The following SLC46A1 variants were observed in gnomAD, a reference collection of about 807,000 sequenced individuals.
The protein encoded by SLC46A1 is proton-coupled folate transporter.
SLC46A1 carries 17 observed loss-of-function variants against 32.1 expected under a neutral mutation model. The ratio of observed to expected loss-of-function variants is 0.53; its 90% CI spans 0.36 to 0.79. SLC46A1 has a LOEUF of 0.79. Ranked by LOEUF, SLC46A1 falls within the 30% of genes least tolerant of loss-of-function variation. The probability of loss-of-function intolerance (pLI) is 0.00; values close to 1 mark genes in which losing one functional copy is unlikely to be tolerated. For synonymous variants in SLC46A1, 240 were observed against 262.7 expected (o/e 0.91, Z 0.84); for missense variants, 517 against 588.2 (o/e 0.88, Z 1.25).
chr17:28,399,621 G>C lies in SLC46A1; in HGVS notation c.*35C>G. 6.2e-7 allele frequency: 1 copy of C among 1,611,316 alleles called. No individual in the cohort carries two copies. The highest frequency in any genetic ancestry group is 1.3e-5 in the African/African-American group (1 of 74,998). On this transcript the variant is annotated 3_prime_UTR_variant, in exon 5 of 5. Coordinates refer to ENST00000612814, the MANE Select transcript of SLC46A1 (RefSeq NM_080669.6). Reference sequence around the variant, plus strand: ...CCTCCAGTTGCTTGGTGTTCACTTTGCTCCTCTTGCCCTCTGTCTTCTGGT... The same window carrying C: ...CCTCCAGTTGCTTGGTGTTCACTTTCCTCCTCTTGCCCTCTGTCTTCTGGT...
In SLC46A1 at chr17:28,399,754, A is replaced by T. The variant is rs1555589126; in HGVS notation, c.1323-41T>A. 1.9e-6 allele frequency: 3 copies of T among 1,608,562 alleles called. No individual in the cohort carries two copies. The Admixed American group carries it at 5.0e-5, about 27-fold the overall frequency. On this transcript the variant is annotated intron_variant, in intron 4 of 4. Coordinates refer to ENST00000612814, the MANE Select transcript of SLC46A1 (RefSeq NM_080669.6). ...GAGAGAGTTTGGATTTCATGTGGGG[A>T]ACCCTCAAGGCCTGTCTGGAGAAGT...
rs2068099448 is a variant in SLC46A1, at chr17:28,394,658, A to AGTT, written c.*4995_*4997dup. 1 of 152,246 alleles carries AGTT rather than the reference A, an allele frequency of 6.6e-6. No individual in the cohort carries two copies. The highest frequency in any genetic ancestry group is 1.5e-5 in the Non-Finnish European group (1 of 68,046). 9.4% of individuals were successfully genotyped at this position (152,246 alleles called of 1,614,324 possible). A position where few individuals can be genotyped will look rare whatever the true frequency, so the allele number is the denominator to read the frequency against. On this transcript the variant is annotated 3_prime_UTR_variant, in exon 5 of 5. Coordinates refer to ENST00000612814, the MANE Select transcript of SLC46A1 (RefSeq NM_080669.6). Reference sequence around the variant, plus strand: ...TCAGGAAAGCACTTTACTTACTATTAGTTGTTTATTATGTCAACCTTAAAT... The same window carrying AGTT: ...TCAGGAAAGCACTTTACTTACTATTAGTTGTTGTTTATTATGTCAACCTTAAAT...
At chr17:28,404,470 G>C (rs539283583) in intron 2 of SLC46A1, 146 bp downstream of exon 2, 1 of 1,037,276 alleles carries the variant, frequency 9.6e-7, no homozygotes, top group South Asian at 1.4e-5. Context: ...GGATTTCTTA[G>C]TTGTCTGTTC....
intron 3 of SLC46A1, 62 bp from the exon 4 acceptor site, chr17:28,400,828 A>T (rs1443090897): frequency 1.4e-6 from 2 of 1,451,300 alleles, no homozygotes; most frequent in East Asian, 2.5e-5. Context: ...CTCTGGCACC[A>T]CCACCTCACA....
chr17:28,399,916 C>T, intron 4 of SLC46A1: 2 of 568,652 alleles, frequency 3.5e-6, no homozygotes, highest in South Asian at 2.0e-5. Flanking sequence ...TTTTAAGAGA[C>T]AGGGTCTTGC....
In SLC46A1 at chr17:28,405,486, C is replaced by T. The variant is rs558252762; in HGVS notation, c.229-18G>A. 5.0e-6 allele frequency: 8 copies of T among 1,593,860 alleles called. No homozygotes were observed. Among genetic ancestry groups the T allele is most frequent in the Non-Finnish European group, 6.8e-6 (8 of 1,172,056 alleles). ...TCCACTTCCTGTAGGGGCACAATGACCAGGGTGCGGTTCCTCACTCTGGGT... is the reference window on the plus strand; with the variant it reads ...TCCACTTCCTGTAGGGGCACAATGATCAGGGTGCGGTTCCTCACTCTGGGT... On this transcript the variant is annotated intron_variant, in intron 1 of 4. Transcript: ENST00000612814.
rs2068235294 is a variant in SLC46A1 at position 28,404,712 on chromosome 17, G to A, written c.985C>T (p.Leu329=). The A allele has an allele frequency of 6.2e-7, 1 of 1,613,898 alleles. No homozygotes were observed. The highest frequency in any genetic ancestry group is 1.7e-5 in the Admixed American group (1 of 60,008). Residue 329 remains leucine (L), a synonymous_variant, in exon 2 of 5, where the codon CTG becomes TTG. Coordinates refer to ENST00000612814, the MANE Select transcript of SLC46A1 (RefSeq NM_080669.6). The part of the protein sequence containing the change: ...LLALKLLQYC[L]ADAWVAEIGL... ...ATCTCAGCTACCCAGGCATCGGCCA[G>A]GCAGTACTGCAGGAGCTTCAGGGCC... is the stretch of plus-strand genomic sequence containing the variant.
At position 28,404,816 on chromosome 17, in the gene SLC46A1, CT is replaced by C; in HGVS notation, c.880del (p.Ser294AlafsTer10). The C allele has an allele frequency of 6.2e-7, 1 of 1,613,956 alleles. No individual in the cohort carries two copies. The highest frequency in any genetic ancestry group is 8.5e-7 in the Non-Finnish European group (1 of 1,179,886). On this transcript the variant is annotated frameshift_variant, in exon 2 of 5. Transcript: ENST00000612814. LOFTEE classifies it high-confidence loss of function. ...TTTGGAGTCCCAGCAGAGGGGTGTG[CT>C]TAGTTCATAAAGGGTTAAGATGTCC... ...AQDILTLYEL[S>X]TPLCWDSKLI... is the part of the protein sequence containing the mutation.
chr17:28,395,884 T>C lies in SLC46A1; in HGVS notation c.*3772A>G, dbSNP rs782700529. On this transcript the variant is annotated 3_prime_UTR_variant, in exon 5 of 5. Coordinates refer to ENST00000612814, the MANE Select transcript of SLC46A1 (RefSeq NM_080669.6). ...CTAGATGGGTACAGGGGTATCTTCC[T>C]CCTTTCCTTTCTTTCTCCAGGAGAT... The C allele has an allele frequency of 5.9e-5, 95 of 1,612,808 alleles. No individual in the cohort carries two copies. The highest frequency in any genetic ancestry group is 7.9e-5 in the Non-Finnish European group (93 of 1,179,858).
chr17:28,402,397 T>G, intron 2 of SLC46A1, 76 bp from the exon 3 acceptor site: 2 of 1,281,798 alleles, frequency 1.6e-6, no homozygotes, highest in Non-Finnish European at 2.2e-6. Context: ...GCAGAGCTCC[T>G]ATCCATACCC....
At position 28,405,331 on chromosome 17, in the gene SLC46A1, C is replaced by T. The variant is rs372432334; in HGVS notation, c.366G>A (p.Leu122=). The T allele has an allele frequency of 5.7e-6, 9 of 1,590,112 alleles. No homozygotes were observed. The highest frequency in any genetic ancestry group is 1.3e-5 in the African/African-American group (1 of 74,494). Residue 122 remains leucine (L), a synonymous_variant, in exon 2 of 5, where the codon CTG becomes CTA. Transcript: ENST00000612814. ...GRRPLLVLAS[L]GLLLQALVSV... ...ACACTAGGGCCTGGAGCAGCAGGCC[C>T]AGCGAGGCCAGCACTAGCAGCGGGC...
In SLC46A1 at chr17:28,395,907, G is replaced by T; in HGVS notation, c.*3749C>A. 1.2e-6 allele frequency: 2 copies of T among 1,613,812 alleles called. No homozygotes were observed. Among genetic ancestry groups the T allele is most frequent in the Non-Finnish European group, 8.5e-7 (1 of 1,179,878 alleles). On this transcript the variant is annotated 3_prime_UTR_variant, in exon 5 of 5. Transcript: ENST00000612814. Reference sequence around the variant, plus strand: ...CCTCCTTTCCTTTCTTTCTCCAGGAGATTGTGACTGCTTTAAGCTGCGGCA... The same window carrying T: ...CCTCCTTTCCTTTCTTTCTCCAGGATATTGTGACTGCTTTAAGCTGCGGCA...
At chr17:28,404,347 CT>C in intron 2 of SLC46A1, 1 of 509,084 alleles carries the variant, frequency 2.0e-6, no homozygotes, top group Non-Finnish European at 3.6e-6. Flanking sequence ...ATGAGCCACA[CT>C]TTTGTCTTTT....
rs1555590591 is a variant in SLC46A1 at position 28,404,937 on chromosome 17, G to T, written c.760C>A (p.Leu254Ile). The T allele has an allele frequency of 6.2e-7, 1 of 1,613,960 alleles. No homozygotes were observed. The highest frequency in any genetic ancestry group is 8.5e-7 in the Non-Finnish European group (1 of 1,179,910). ...TTCTCTGGGGCGGGAGCCACATAGA[G>T]CTGGACAATGGATCGGTGGTGACGG... ...TFRHHRSIVQ[L>I]YVAPAPEKSR... Residue 254 changes from leucine to isoleucine, a missense_variant, in exon 2 of 5, where the codon CTC (leucine) becomes ATC (isoleucine). Physicochemically the swap from Leu to Ile is conservative, Grantham distance 5. Transcript: ENST00000612814.
Position 28,396,408 on chromosome 17 carries a change from T to A in SLC46A1, c.*3248A>T, listed in dbSNP as rs773480947. ...CTGGGCTCTTCTTAGGAAATGGCTC[T>A]CCCTCCCCCTGTCCCCCACCCTCAT... On this transcript the variant is annotated 3_prime_UTR_variant, in exon 5 of 5. Transcript: ENST00000612814. The A allele has an allele frequency of 1.7e-6, 2 of 1,146,538 alleles. No homozygotes were observed. The highest frequency in any genetic ancestry group is 2.5e-6 in the Non-Finnish European group (2 of 795,702). 71.0% of individuals were successfully genotyped at this position (1,146,538 alleles called of 1,614,324 possible).
Position 28,404,819 on chromosome 17 carries a change from A to T in SLC46A1, c.878T>A (p.Leu293Gln). The change falls in exon 2 of 5, where the codon CTA becomes CAA. Residue 293 changes from leucine to glutamine, a missense_variant. Physicochemically the swap from Leu to Gln is moderately radical, Grantham distance 113. Coordinates refer to ENST00000612814, the MANE Select transcript of SLC46A1 (RefSeq NM_080669.6). ...GAQDILTLYE[L>Q]STPLCWDSKL... ...GGAGTCCCAGCAGAGGGGTGTGCTT[A>T]GTTCATAAAGGGTTAAGATGTCCTG... The T allele has an allele frequency of 1.2e-6, 2 of 1,614,000 alleles. No individual in the cohort carries two copies. Among genetic ancestry groups the T allele is most frequent in the Non-Finnish European group, 1.7e-6 (2 of 1,179,882 alleles).
Position 28,402,225 on chromosome 17 carries a change from T to G in SLC46A1, c.1165+13A>C, listed in dbSNP as rs1597832477. The G allele has an allele frequency of 6.2e-7, 1 of 1,609,660 alleles. No individual in the cohort carries two copies. Among genetic ancestry groups the G allele is most frequent in the Non-Finnish European group, 8.5e-7 (1 of 1,177,674 alleles). ...ACATGAGGAACCAGACACAGGTGGG[T>G]TCTGACACTCACCCTGCTCTGTCTC... On this transcript the variant is annotated intron_variant, in intron 3 of 4. Coordinates refer to ENST00000612814, the MANE Select transcript of SLC46A1 (RefSeq NM_080669.6).
At chr17:28,402,189 G>A (rs2068203830) in intron 3 of SLC46A1, 49 bp downstream of exon 3, 4 of 1,534,260 alleles carry the variant, frequency 2.6e-6, no homozygotes, top group Non-Finnish European at 3.6e-6. Flanking sequence ...GCCCGTTTCG[G>A]GCAGCACTGG....
Position 28,399,700 on chromosome 17 carries a change from C to T in SLC46A1, c.1336G>A (p.Ala446Thr). 2 of 1,613,934 alleles carry T rather than the reference C, an allele frequency of 1.2e-6. No individual in the cohort carries two copies. The change falls in exon 5 of 5, where the codon GCT becomes ACT. Residue 446 changes from alanine (A) to threonine (T), a missense_variant. Coordinates refer to ENST00000612814, the MANE Select transcript of SLC46A1 (RefSeq NM_080669.6). ...PAVLIGMLEK[A>T]DPHLEFQQFP... ...TGCTGGAACTCGAGGTGAGGATCAG[C>T]CTTTTCCAGCATCCTGTGAGAGACC...
Sources: allele counts gnomAD v4.1 joint callset, GRCh38; gene constraint gnomAD v4.1.1; transcripts MANE v1.5; gene names NCBI Gene and HGNC (gene_info 2026-07-23, HGNC 2026-07-21).